PAX9: variants seen among roughly 807,000 people sequenced by gnomAD.
The protein encoded by PAX9 is paired box protein Pax-9.
PAX9 carries 6 observed loss-of-function variants against 29.1 expected under a neutral mutation model. That is an observed-to-expected ratio of 0.21 (90% CI 0.11 to 0.41). The LOEUF is 0.41. Ranked by LOEUF, PAX9 falls within the 10% of genes least tolerant of loss-of-function variation. The pLI, the probability that PAX9 is intolerant of heterozygous loss-of-function variation, is 1.00. For missense variants in PAX9, 443 were observed against 479.1 expected (o/e 0.92, Z 0.70); for synonymous variants, 217 against 211.7 (o/e 1.03, Z -0.22).
Position 36,676,533 on chromosome 14 carries a change from C to A in PAX9, c.*81C>A. On this transcript the variant is annotated 3_prime_UTR_variant, in exon 4 of 4. Coordinates refer to ENST00000361487, the MANE Select transcript of PAX9 (RefSeq NM_001372076.1). Reference sequence around the variant, plus strand: ...CCCCCAATTCCCAGGTCTCACATCCCACCCCTCCTGCCCTCCAACCCTTCT... The same window carrying A: ...CCCCCAATTCCCAGGTCTCACATCCAACCCCTCCTGCCCTCCAACCCTTCT... The A allele has an allele frequency of 2.0e-6, 3 of 1,515,336 alleles. No homozygotes were observed. Among genetic ancestry groups the A allele is most frequent in the Non-Finnish European group, 1.8e-6 (2 of 1,111,502 alleles). The allele number at this position is 1,515,336 out of a possible 1,614,324, so 93.9% of individuals were successfully genotyped here. A position where few individuals can be genotyped will look rare whatever the true frequency, so the allele number is the denominator to read the frequency against.
rs371143144 is a variant in PAX9 at position 36,663,476 on chromosome 14, C to T, written c.584C>T (p.Ser195Leu). The change falls in exon 2 of 4, where the codon TCG (serine) becomes TTG (leucine). Residue 195 changes from serine to leucine, a missense_variant. Physicochemically the swap from Ser to Leu is moderately radical, Grantham distance 145 (BLOSUM62 -2). This residue lies in a region of PAX9 where 336 missense variants were observed against 317.2 expected (regional missense o/e 1.06). Transcript: ENST00000361487. ...GCCATGCCGCGCACCTGGCCCTCCT[C>T]GCACTCCGTCACCGACATCCTGGGC... ...SVAMPRTWPSSHSVTDILGIR... is the reference protein window; with the variant it reads ...SVAMPRTWPSLHSVTDILGIR... 2.5e-6 allele frequency: 4 copies of T among 1,612,918 alleles called. No individual in the cohort carries two copies. Among genetic ancestry groups the T allele is most frequent in the Admixed American group, 1.7e-5 (1 of 60,006 alleles).
Position 36,662,080 on chromosome 14 carries a change from G to A in PAX9, c.-10G>A. The A allele has an allele frequency of 1.9e-6, 3 of 1,558,800 alleles. No individual in the cohort carries two copies. Among genetic ancestry groups the A allele is most frequent in the Non-Finnish European group, 2.6e-6 (3 of 1,152,642 alleles). ...GGAACTGGGGCCGGGTTGGTGTACT[G>A]CTCGGAGCAATGGGTGAGTGGCGGC... On this transcript the variant is annotated 5_prime_UTR_variant, in exon 1 of 4. Coordinates refer to ENST00000361487, the MANE Select transcript of PAX9 (RefSeq NM_001372076.1).
At chr14:36,669,388 T>C (rs905866495) in intron 3 of PAX9, among the ~76,000 whole-genome samples, 48 of 152,274 alleles carry the variant, frequency 3.2e-4, no homozygotes, top group Middle Eastern at 3.4e-3. Flanking sequence ...TGGTAACACG[T>C]ATTTTTCCCT....
chr14:36,666,219 C>T, intron 2 of PAX9: 1 of 547,204 alleles, frequency 1.8e-6, no homozygotes, highest in Non-Finnish European at 3.2e-6. Context: ...AAAAAAGTGT[C>T]TTCCCTCAGG....
In PAX9 at chr14:36,678,550, T is replaced by A. The variant is rs1166885827; in HGVS notation, c.*2098T>A. On this transcript the variant is annotated 3_prime_UTR_variant, in exon 4 of 4. Transcript: ENST00000361487. Reference sequence around the variant, plus strand: ...CCAATCCAATATTTTGGTGGAGACTTCTTTAAAACCATACCATACAGGGAC... The same window carrying A: ...CCAATCCAATATTTTGGTGGAGACTACTTTAAAACCATACCATACAGGGAC... The A allele has an allele frequency of 6.5e-7, 1 of 1,536,458 alleles. No individual in the cohort carries two copies. The highest frequency in any genetic ancestry group is 8.7e-7 in the Non-Finnish European group (1 of 1,146,554).
chr14:36,668,988 T>C (rs535053709), intron 3 of PAX9, among the ~76,000 whole-genome samples: 48 of 152,298 alleles, frequency 3.2e-4, no homozygotes, highest in Middle Eastern at 3.4e-3. Context: ...ATATGAAACT[T>C]ACATTTGCGA....
Position 36,662,047 on chromosome 14 carries a change from G to A in PAX9, c.-43G>A, listed in dbSNP as rs1273560262. 1.9e-6 allele frequency: 3 copies of A among 1,559,628 alleles called. No individual in the cohort carries two copies. The highest frequency in any genetic ancestry group is 2.6e-6 in the Non-Finnish European group (3 of 1,152,710). ...GAGGCGGTGCGGAAAGTTTCTGTCT[G>A]GGAGTGCGGAACTGGGGCCGGGTTG... On this transcript the variant is annotated 5_prime_UTR_variant, in exon 1 of 4. The change creates a premature stop within an existing upstream ORF in the 5' untranslated region. Coordinates refer to ENST00000361487, the MANE Select transcript of PAX9 (RefSeq NM_001372076.1).
upstream of PAX9, among the ~76,000 whole-genome samples, chr14:36,660,438 C>T (rs1881214058): frequency 6.6e-6 from 1 of 152,270 alleles, no homozygotes; most frequent in Non-Finnish European, 1.5e-5. Flanking sequence ...TTACCTTTCA[C>T]ATCCTCCATT....
chr14:36,673,112 C>T (rs1055141878), intron 3 of PAX9, among the ~76,000 whole-genome samples: 17 of 151,784 alleles, frequency 1.1e-4, no homozygotes, highest in South Asian at 6.3e-4. Context: ...GCAATCCGCC[C>T]GCCTCAGCCT....
chr14:36,662,903 C>T lies in PAX9; in HGVS notation c.11C>T (p.Ala4Val). 6.2e-7 allele frequency: 1 copy of T among 1,611,384 alleles called. No individual in the cohort carries two copies. The highest frequency in any genetic ancestry group is 8.5e-7 in the Non-Finnish European group (1 of 1,178,626). The part of the protein sequence containing the change: MEP[A>V]FGEVNQLGGV... ...CTGTGTGTTCATTTTGCAGAGCCAG[C>T]CTTCGGGGAGGTGAACCAGCTGGGA... The change falls in exon 2 of 4, where the codon GCC (alanine) becomes GTC (valine). Residue 4 changes from alanine (A) to valine (V), a missense_variant. Transcript: ENST00000361487.
At chr14:36,667,164 C>T (rs951190727) in intron 3 of PAX9, among the ~76,000 whole-genome samples, 3 of 152,154 alleles carry the variant, frequency 2.0e-5, no homozygotes, top group African/African-American at 7.2e-5. Flanking sequence ...CCCAGATAAA[C>T]GTAACAAAGC....
At chr14:36,663,564 G>GC (rs752059786) in intron 2 of PAX9, 41 bp downstream of exon 2, 5 of 1,609,902 alleles carry the variant, frequency 3.1e-6, no homozygotes, top group East Asian at 4.5e-5. Flanking sequence ...TGCAGCGTCT[G>GC]CCCCCGCACT....
At chr14:36,658,272 C>T (rs2139101413), upstream of PAX9, among the ~76,000 whole-genome samples, 1 of 151,978 alleles carries the variant, frequency 6.6e-6, no homozygotes, top group East Asian at 1.9e-4. Flanking sequence ...AGTCAATGCA[C>T]TATGAAAATC....
chr14:36,666,447 T>G lies in PAX9; in HGVS notation c.632-15T>G, dbSNP rs544435354. On this transcript the variant is annotated splice_polypyrimidine_tract_variant and intron_variant, in intron 2 of 3. Coordinates refer to ENST00000361487, the MANE Select transcript of PAX9 (RefSeq NM_001372076.1). ...GCTGGGCCTCCGGCCTGACACCCTC[T>G]CTTCTCTCCATCAGTGAGCGACAGC... 6.2e-7 allele frequency: 1 copy of G among 1,609,470 alleles called. No individual in the cohort carries two copies. Among genetic ancestry groups the G allele is most frequent in the South Asian group, 1.1e-5 (1 of 90,132 alleles).
At chr14:36,674,732 T>C (rs1204780092) in intron 3 of PAX9, among the ~76,000 whole-genome samples, 2 of 152,342 alleles carry the variant, frequency 1.3e-5, no homozygotes, top group South Asian at 2.1e-4. Flanking sequence ...TAAGAAACTT[T>C]AGCTTCCTTT....
chr14:36,661,877 T>C lies in PAX9; in HGVS notation c.-213T>C. 1.5e-6 allele frequency: 1 copy of C among 651,164 alleles called. No homozygotes were observed. The highest frequency in any genetic ancestry group is 1.8e-5 in the South Asian group (1 of 55,892). The allele number at this position is 651,164 out of a possible 1,614,324, so 40.3% of individuals were successfully genotyped here. A position where few individuals can be genotyped will look rare whatever the true frequency, so the allele number is the denominator to read the frequency against. On this transcript the variant is annotated 5_prime_UTR_variant, in exon 1 of 4. Transcript: ENST00000361487. ...CCCTGCTCAGCCCAGCCCACGTTGC[T>C]GCTTAGATTGAAATGCAGAACTCAA...
At position 36,676,463 on chromosome 14, in the gene PAX9, C is replaced by T. The variant is rs901479724; in HGVS notation, c.*11C>T. The stretch of plus-strand genomic sequence containing the variant: ...GCTTCCGCGCTCTGATGGGAAATTC[C>T]GTCTCCAGCAGCTTCACCCGGGTCT... On this transcript the variant is annotated 3_prime_UTR_variant, in exon 4 of 4. Coordinates refer to ENST00000361487, the MANE Select transcript of PAX9 (RefSeq NM_001372076.1). The T allele has an allele frequency of 2.5e-6, 4 of 1,611,034 alleles. No homozygotes were observed. Among genetic ancestry groups the T allele is most frequent in the African/African-American group, 1.3e-5 (1 of 74,900 alleles).
chr14:36,663,331 C>A lies in PAX9; in HGVS notation c.439C>A (p.Gln147Lys), dbSNP rs1337728121. 3 of 1,614,018 alleles carry A rather than the reference C, an allele frequency of 1.9e-6. No homozygotes were observed. Among genetic ancestry groups the A allele is most frequent in the African/African-American group, 2.7e-5 (2 of 74,954 alleles). ...TCATTACGACTCATACAAGCAGCAC[C>A]AGCCGACGCCGCAGCCAGCGCTGCC... ...QGHYDSYKQH[Q>K]PTPQPALPYN... The change falls in exon 2 of 4, where the codon CAG becomes AAG. Residue 147 changes from glutamine (Q) to lysine (K), a missense_variant. Transcript: ENST00000361487.
At chr14:36,660,967 A>T (rs1438496541), upstream of PAX9, among the ~76,000 whole-genome samples, 1 of 152,346 alleles carries the variant, frequency 6.6e-6, no homozygotes, top group South Asian at 2.1e-4. Context: ...CTTGGGACTA[A>T]GTCTCTTTCA....
Sources: gnomAD v4.1 joint callset for allele counts (sites outside exome capture counted in the v4.1 genomes callset) on GRCh38, gnomAD v4.1.1 for gene constraint, gnomAD v4.1.1 regional missense constraint, MANE v1.5 for transcripts, NCBI Gene and HGNC (gene_info 2026-07-23, HGNC 2026-07-21) for gene names.